The following TMPRSS4 variants were observed in gnomAD, a reference collection of about 807,000 sequenced individuals.
TMPRSS4 encodes transmembrane serine protease 4.
Under a neutral mutation model 56.4 loss-of-function variants are expected in TMPRSS4, and 45 were observed. That is an observed-to-expected ratio of 0.80 (90% CI 0.63 to 1.02). The LOEUF is 1.02. Among genes scored for constraint, TMPRSS4 ranks in the 50% least tolerant of loss-of-function variants. The probability of loss-of-function intolerance (pLI) is 0.00; values close to 1 mark genes in which losing one functional copy is unlikely to be tolerated. For synonymous variants in TMPRSS4, 205 were observed against 211.0 expected (o/e 0.97, Z 0.25); for missense variants, 546 against 556.7 (o/e 0.98, Z 0.19).
Position 118,118,004 on chromosome 11 carries a change from C to T in TMPRSS4, c.*91C>T. The T allele has an allele frequency of 1.2e-6, 2 of 1,607,672 alleles. No homozygotes were observed. Among genetic ancestry groups the T allele is most frequent in the Non-Finnish European group, 1.7e-6 (2 of 1,178,894 alleles). On this transcript the variant is annotated 3_prime_UTR_variant, in exon 13 of 13. Coordinates refer to ENST00000437212, the MANE Select transcript of TMPRSS4 (RefSeq NM_019894.4). ...AAAGTCAGACACAGAGCAAGAGTCCCCTTGGGTACACCCCTCTGCCCACAG... is the reference window on the plus strand; with the variant it reads ...AAAGTCAGACACAGAGCAAGAGTCCTCTTGGGTACACCCCTCTGCCCACAG...
chr11:118,124,184 A>T (rs1247678950), downstream of TMPRSS4, among the ~76,000 whole-genome samples: 1 of 152,112 alleles, frequency 6.6e-6, no homozygotes, highest in African/African-American at 2.4e-5. Flanking sequence ...CAAGAAATCA[A>T]GACCATCCTG....
intron 12 of TMPRSS4, 128 bp from the exon 13 acceptor site, chr11:118,117,774 C>T: frequency 1.3e-6 from 2 of 1,581,120 alleles, no homozygotes; most frequent in South Asian, 1.2e-5. Flanking sequence ...CATGAGACCT[C>T]CTGGCCCTCT....
intron 8 of TMPRSS4, 84 bp downstream of exon 8, chr11:118,111,984 T>C (rs1947300190): frequency 8.5e-6 from 13 of 1,533,004 alleles, no homozygotes; most frequent in Non-Finnish European, 1.1e-5. Context: ...CCTGGCACCG[T>C]CCTTCTCTTC....
chr11:118,110,787 G>A (rs1947236254), intron 7 of TMPRSS4, among the ~76,000 whole-genome samples: 1 of 152,218 alleles, frequency 6.6e-6, no homozygotes, highest in Admixed American at 6.5e-5. Flanking sequence ...TGAAGCTCAG[G>A]TGGTCATGCT....
rs1303825867 is a variant in TMPRSS4, at chr11:118,118,614, A to G, written c.*701A>G. 1.0e-6 allele frequency: 1 copy of G among 985,370 alleles called. No homozygotes were observed. The highest frequency in any genetic ancestry group is 1.7e-5 in the African/African-American group (1 of 57,220). 61.0% of individuals were successfully genotyped at this position (985,370 alleles called of 1,614,324 possible). A position where few individuals can be genotyped will look rare whatever the true frequency, so the allele number is the denominator to read the frequency against. Reference sequence around the variant, plus strand: ...AGACCAGATCTGCTGAGTGGCAGCAAGAGTGAGCTGCAGATTACAGAAACC... The same window carrying G: ...AGACCAGATCTGCTGAGTGGCAGCAGGAGTGAGCTGCAGATTACAGAAACC... On this transcript the variant is annotated 3_prime_UTR_variant, in exon 13 of 13. Transcript: ENST00000437212.
intron 4 of TMPRSS4, among the ~76,000 whole-genome samples, chr11:118,104,150 G>A (rs1322527941): frequency 6.6e-6 from 1 of 152,174 alleles, no homozygotes; most frequent in Non-Finnish European, 1.5e-5. Flanking sequence ...GGGCAGGGCT[G>A]AGTGACTTTC....
chr11:118,077,384 T>A, intron 1 of TMPRSS4, 79 bp downstream of exon 1: 1 of 1,473,788 alleles, frequency 6.8e-7, no homozygotes, highest in Non-Finnish European at 9.1e-7. Context: ...AGCCTGAGCA[T>A]CCATCAGCTG....
At chr11:118,092,798 G>A (rs1359702986) in intron 1 of TMPRSS4, among the ~76,000 whole-genome samples, 3 of 152,212 alleles carry the variant, frequency 2.0e-5, no homozygotes, top group South Asian at 4.1e-4. Context: ...AGATGGAGTC[G>A]CTAAGTTAGA....
intron 1 of TMPRSS4, among the ~76,000 whole-genome samples, chr11:118,079,400 G>A (rs1316033206): frequency 6.6e-6 from 1 of 152,054 alleles, no homozygotes; most frequent in Non-Finnish European, 1.5e-5. Flanking sequence ...GCTCTCCCAA[G>A]AACCCATTAA....
At chr11:118,113,043 G>A (rs1280647508) in intron 8 of TMPRSS4, among the ~76,000 whole-genome samples, 3 of 151,974 alleles carry the variant, frequency 2.0e-5, no homozygotes, top group African/African-American at 4.8e-5. Flanking sequence ...TTGAGGTTTC[G>A]TTGGGCAGGT....
chr11:118,104,039 TC>T (rs1204636199), intron 4 of TMPRSS4, among the ~76,000 whole-genome samples: 40 of 151,850 alleles, frequency 2.6e-4, no homozygotes, highest in African/African-American at 9.5e-4. Flanking sequence ...GAGCATAAAA[TC>T]CACGTTCTCT....
chr11:118,112,639 C>T (rs947240859), intron 8 of TMPRSS4, among the ~76,000 whole-genome samples: 3 of 151,796 alleles, frequency 2.0e-5, no homozygotes, highest in African/African-American at 7.3e-5. Flanking sequence ...GTGATCTGCC[C>T]ACCTCAGCCT....
At chr11:118,078,664 C>G (rs1473296552) in intron 1 of TMPRSS4, among the ~76,000 whole-genome samples, 1 of 152,140 alleles carries the variant, frequency 6.6e-6, no homozygotes, top group African/African-American at 2.4e-5. Flanking sequence ...TGAGCTGCTT[C>G]TGGGTGGCAG....
chr11:118,092,280 C>A (rs988851848), intron 1 of TMPRSS4, among the ~76,000 whole-genome samples: 2 of 152,178 alleles, frequency 1.3e-5, no homozygotes, highest in African/African-American at 4.8e-5. Context: ...TCACGCAGAG[C>A]CAGCTGTGTG....
At chr11:118,104,871 T>C in intron 5 of TMPRSS4, 51 bp downstream of exon 5, 1 of 1,490,172 alleles carries the variant, frequency 6.7e-7, no homozygotes, top group Non-Finnish European at 9.0e-7. Flanking sequence ...CTTCCTCCTC[T>C]TCCTCCTTTC....
rs1320293735 is a variant in TMPRSS4 at position 118,118,533 on chromosome 11, A to C, written c.*620A>C. On this transcript the variant is annotated 3_prime_UTR_variant, in exon 13 of 13. Transcript: ENST00000437212. The stretch of plus-strand genomic sequence containing the variant: ...CATTCTTTGGCTTGGGGAGAAAAGA[A>C]GTCCTGGGGAAGCAATTGAGTCTCA... 8 of 985,450 alleles carry C rather than the reference A, an allele frequency of 8.1e-6. No individual in the cohort carries two copies. The highest frequency in any genetic ancestry group is 9.6e-6 in the Non-Finnish European group (8 of 830,058). 61.0% of individuals were successfully genotyped at this position (985,450 alleles called of 1,614,324 possible).
intron 3 of TMPRSS4, among the ~76,000 whole-genome samples, chr11:118,101,374 G>T (rs1030180244): frequency 1.3e-5 from 2 of 152,080 alleles, no homozygotes; most frequent in African/African-American, 4.8e-5. Context: ...GACTGGAGAG[G>T]GTCCCATCAG....
chr11:118,083,726 A>G (rs1251907536), intron 1 of TMPRSS4, among the ~76,000 whole-genome samples: 1 of 152,180 alleles, frequency 6.6e-6, no homozygotes, highest in Non-Finnish European at 1.5e-5. Context: ...TGAGTAAACT[A>G]TTATTGTTGT....
intron 1 of TMPRSS4, 58 bp downstream of exon 1, chr11:118,077,363 G>A: frequency 6.5e-7 from 1 of 1,535,110 alleles, no homozygotes; most frequent in Non-Finnish European, 8.8e-7. Flanking sequence ...CCCATGTAAG[G>A]CCCTTCAAGC....
Sources: allele counts gnomAD v4.1 joint callset (sites outside exome capture counted in the v4.1 genomes callset), GRCh38; gene constraint gnomAD v4.1.1; transcripts MANE v1.5; gene names NCBI Gene and HGNC (gene_info 2026-07-23, HGNC 2026-07-21).